Variants in DHX36 observed in about 807,000 individuals in gnomAD.
The protein encoded by DHX36 is ATP-dependent DNA/RNA helicase DHX36.
DHX36 carries 50 observed loss-of-function variants against 139.0 expected under a neutral mutation model. That is an observed-to-expected ratio of 0.36 (90% CI 0.29 to 0.46). The LOEUF (loss-of-function observed/expected upper bound fraction) is 0.46, where lower values mean the gene tolerates loss of function less well. DHX36 is among the 20% of genes least tolerant of loss of function. DHX36 has a pLI of 1.00. For synonymous variants in DHX36, 425 were observed against 401.9 expected, an observed-to-expected ratio of 1.06 and a Z score of -0.69; for missense variants, 1,024 against 1,211.3, an observed-to-expected ratio of 0.85 and a Z score of 2.29.
intron 20 of DHX36, among the ~76,000 whole-genome samples, chr3:154,282,397 C>T (rs1719358061): frequency 6.6e-6 from 1 of 151,990 alleles, no homozygotes. Context: ...AATTTGTTTT[C>T]TTAGCTCAGG....
rs1416403036 is a variant in DHX36, at chr3:154,312,709, G to A, written c.604-1035C>T. Among the ~76,000 whole-genome samples, 3 of 150,772 alleles carry A rather than the reference G, an allele frequency of 2.0e-5. No individual in the cohort carries two copies. The South Asian group carries it at 6.3e-4, about 31-fold the overall frequency. On this transcript the variant is annotated intron_variant, in intron 3 of 24. Transcript: ENST00000496811. Reference sequence around the variant, plus strand: ...TACAAAAAGTTAGCTGGGCATAGTGGCACACGCCTGTAGTCCCAGCTACTT... The same window carrying A: ...TACAAAAAGTTAGCTGGGCATAGTGACACACGCCTGTAGTCCCAGCTACTT...
At chr3:154,323,709 T>C (rs1388136517) in intron 1 of DHX36, among the ~76,000 whole-genome samples, 2 of 152,332 alleles carry the variant, frequency 1.3e-5, no homozygotes, top group East Asian at 3.9e-4. Flanking sequence ...GGACTATTTT[T>C]CTGAATGATC....
intron 13 of DHX36, among the ~76,000 whole-genome samples, chr3:154,294,364 AATC>A: frequency 6.6e-6 from 1 of 152,202 alleles, no homozygotes; most frequent in Non-Finnish European, 1.5e-5. Flanking sequence ...GAAGATAGGT[AATC>A]AAGTACCACT....
chr3:154,306,315 T>C lies in DHX36; in HGVS notation c.814-20A>G, dbSNP rs1712499732. ...CGCAACCTTTAATTCAAATAAAACA[T>C]AAAGAGAATATAATTTCCTTTAGAA... On this transcript the variant is annotated intron_variant, in intron 5 of 24. Transcript: ENST00000496811. The C allele has an allele frequency of 6.3e-7, 1 of 1,596,290 alleles. No homozygotes were observed. Among genetic ancestry groups the C allele is most frequent in the Non-Finnish European group, 8.6e-7 (1 of 1,165,010 alleles).
Position 154,315,035 on chromosome 3 carries a change from C to G in DHX36, c.603+11G>C. ...AAAATGACAAAATATTTTTTGACAT[C>G]TTTCTACTACCTGCATTTCAATATA... is the stretch of plus-strand genomic sequence containing the variant. On this transcript the variant is annotated intron_variant, in intron 3 of 24. Coordinates refer to ENST00000496811, the MANE Select transcript of DHX36 (RefSeq NM_020865.3). The G allele has an allele frequency of 6.4e-7, 1 of 1,551,684 alleles. No individual in the cohort carries two copies. Among genetic ancestry groups the G allele is most frequent in the Non-Finnish European group, 8.8e-7 (1 of 1,138,892 alleles).
chr3:154,277,452 A>C, intron 23 of DHX36, 146 bp downstream of exon 23: 3 of 653,682 alleles, frequency 4.6e-6, no homozygotes, highest in Non-Finnish European at 7.1e-6. Flanking sequence ...AGAATAGGTT[A>C]TTTGTTAGAG....
intron 22 of DHX36, chr3:154,279,512 T>C (rs1254119737): frequency 1.3e-5 from 2 of 152,214 alleles, no homozygotes; most frequent in African/African-American, 4.8e-5. Flanking sequence ...AAAAAGTACT[T>C]AGGTCACTTA....
chr3:154,308,778 G>C lies in DHX36; in HGVS notation c.813+875C>G, dbSNP rs1024698176. ...TTCGTATAGTCAACCTGAACTAAAA[G>C]TTACTTATAAACTGTTACTTAAGTA... On this transcript the variant is annotated intron_variant, in intron 5 of 24. Coordinates refer to ENST00000496811, the MANE Select transcript of DHX36 (RefSeq NM_020865.3). 2.0e-5 allele frequency among the ~76,000 whole-genome samples: 3 copies of C among 152,066 alleles called. 1 individual carries two copies. The highest frequency in any genetic ancestry group is 4.1e-4 in the South Asian group (2 of 4,830).
At chr3:154,290,438 C>T (rs1020515031) in intron 15 of DHX36, among the ~76,000 whole-genome samples, 1 of 151,462 alleles carries the variant, frequency 6.6e-6, no homozygotes, top group African/African-American at 2.4e-5. Flanking sequence ...GAGTTTGAGA[C>T]CAGCCTGGCC....
chr3:154,313,511 C>A (rs76258844), intron 3 of DHX36, among the ~76,000 whole-genome samples: 2 of 152,040 alleles, frequency 1.3e-5, no homozygotes, highest in South Asian at 4.1e-4. Context: ...AAAACCCTGT[C>A]TCTACAAAAA....
intron 12 of DHX36, among the ~76,000 whole-genome samples, chr3:154,298,111 G>A (rs575388067): frequency 1.3e-5 from 2 of 152,264 alleles, no homozygotes; most frequent in African/African-American, 4.8e-5. Flanking sequence ...TAGTGGAAGT[G>A]TATACATTAG....
chr3:154,295,376 G>A (rs1019554704), intron 12 of DHX36, 37 bp from the exon 13 acceptor site: 1 of 1,196,150 alleles, frequency 8.4e-7, no homozygotes, highest in Non-Finnish European at 1.2e-6. Context: ...AAGATAAAGA[G>A]TTGCAGAAAA....
chr3:154,286,217 T>C (rs1296004817), intron 17 of DHX36, among the ~76,000 whole-genome samples: 1 of 136,768 alleles, frequency 7.3e-6, no homozygotes, highest in Admixed American at 7.4e-5. Flanking sequence ...TTACTCTCAA[T>C]GATTTGCTGA....
intron 23 of DHX36, 134 bp downstream of exon 23, chr3:154,277,464 G>GA: frequency 1.3e-6 from 1 of 753,312 alleles, no homozygotes; most frequent in Non-Finnish European, 1.9e-6. Context: ...TTGTTAGAGG[G>GA]AAAAAGTTAC....
chr3:154,280,594 C>A lies in DHX36; in HGVS notation c.2552G>T (p.Gly851Val), dbSNP rs1388559804. The A allele has an allele frequency of 2.5e-6, 4 of 1,608,856 alleles. No homozygotes were observed. The highest frequency in any genetic ancestry group is 3.4e-6 in the Non-Finnish European group (4 of 1,177,778). ...CAATGCTTACATTTTTCTTTTTTTA[C>A]CCAAATTTAGTCGAATTTTAGCAAC... ...PKVAKIRLNL[G>V]KKRKMVKVYT... is the part of the protein sequence containing the mutation. Residue 851 changes from glycine (G) to valine (V), a missense_variant, in exon 22 of 25, where the codon GGT (glycine) becomes GTT (valine). Coordinates refer to ENST00000496811, the MANE Select transcript of DHX36 (RefSeq NM_020865.3).
chr3:154,323,107 G>A (rs1713259806), intron 1 of DHX36, among the ~76,000 whole-genome samples: 1 of 152,182 alleles, frequency 6.6e-6, no homozygotes, highest in Admixed American at 6.5e-5. Flanking sequence ...GGCCGAGTTG[G>A]GTGGATCACC....
At chr3:154,322,664 G>C (rs138320829) in intron 1 of DHX36, among the ~76,000 whole-genome samples, 1 of 152,144 alleles carries the variant, frequency 6.6e-6, no homozygotes, top group African/African-American at 2.4e-5. Context: ...TGCACAACTG[G>C]CTATACCCTT....
At chr3:154,294,592 C>A (rs1482176902) in intron 13 of DHX36, among the ~76,000 whole-genome samples, 1 of 152,154 alleles carries the variant, frequency 6.6e-6, no homozygotes, top group Non-Finnish European at 1.5e-5. Context: ...TCTCTTCTCT[C>A]AGGTATGTAC....
In DHX36 at chr3:154,312,889, AT is replaced by A. The variant is rs1559958787; in HGVS notation, c.604-1216del. On this transcript the variant is annotated intron_variant, in intron 3 of 24. Coordinates refer to ENST00000496811, the MANE Select transcript of DHX36 (RefSeq NM_020865.3). Reference sequence around the variant, plus strand: ...TATATATATATATATATATATATATATATATATATATAAAATAAATAAAGAA... The same window carrying A: ...TATATATATATATATATATATATATAATATATATATAAAATAAATAAAGAA... Among the ~76,000 whole-genome samples, 25 of 109,888 alleles carry A rather than the reference AT, an allele frequency of 2.3e-4. 3 individuals carry two copies. Among genetic ancestry groups the A allele is most frequent in the East Asian group, 1.4e-3 (5 of 3,494 alleles). 72.1% of individuals were successfully genotyped at this position (109,888 alleles called of 152,430 possible).
Sources: gnomAD v4.1 joint callset for allele counts (sites outside exome capture counted in the v4.1 genomes callset) on GRCh38, gnomAD v4.1.1 for gene constraint, MANE v1.5 for transcripts, NCBI Gene and HGNC (gene_info 2026-07-23, HGNC 2026-07-21) for gene names.